Variants in CCDC85A observed in about 807,000 individuals in gnomAD.
CCDC85A encodes the protein coiled-coil domain-containing protein 85A.
Under a neutral mutation model 50.2 loss-of-function variants are expected in CCDC85A, and 38 were observed. That is an observed-to-expected ratio of 0.76 (90% confidence interval 0.58 to 0.99). The LOEUF (loss-of-function observed/expected upper bound fraction) is 0.99. CCDC85A is among the 50% of genes least tolerant of loss of function. The pLI is 0.00. For missense variants in CCDC85A, 820 were observed against 742.0 expected (o/e 1.11, Z -1.22); for synonymous variants, 366 against 301.4 (o/e 1.21, Z -2.22).
chr2:56,187,850 T>C (rs1383598832), intron 1 of CCDC85A, among the ~76,000 whole-genome samples: 1 of 152,202 alleles, frequency 6.6e-6, no homozygotes, highest in Non-Finnish European at 1.5e-5. Flanking sequence ...ATACCAACAC[T>C]TCAGGCTGCT....
At chr2:56,336,769 C>T (rs1484522664) in intron 2 of CCDC85A, among the ~76,000 whole-genome samples, 1 of 152,120 alleles carries the variant, frequency 6.6e-6, no homozygotes, top group Non-Finnish European at 1.5e-5. Flanking sequence ...AACAGAGCTC[C>T]TTTATACAAT....
chr2:56,301,028 T>C (rs528704155), intron 2 of CCDC85A, among the ~76,000 whole-genome samples: 90 of 152,292 alleles, frequency 5.9e-4, no homozygotes, highest in African/African-American at 1.6e-3. Flanking sequence ...AAGAGTGATA[T>C]TACACTTCCT....
At chr2:56,244,659 C>A (rs552385786) in intron 2 of CCDC85A, among the ~76,000 whole-genome samples, 2 of 151,474 alleles carry the variant, frequency 1.3e-5, no homozygotes, top group East Asian at 4.0e-4. Context: ...TCTGAATATG[C>A]TGTGAATATG....
rs559178763 is a variant in CCDC85A at position 56,383,349 on chromosome 2, C to T, written c.1573-917C>T. On this transcript the variant is annotated intron_variant, in intron 5 of 5. Coordinates refer to ENST00000407595, the MANE Select transcript of CCDC85A (RefSeq NM_001080433.2). ...CACAATCAATCAATCTGATCATAAT[C>T]CTTAGCGTGAAATAGTCTGGGAGGG... 5.9e-5 allele frequency among the ~76,000 whole-genome samples: 9 copies of T among 152,076 alleles called. No individual in the cohort carries two copies. The South Asian group carries it at 1.9e-3, about 31-fold the overall frequency.
At chr2:56,244,904 G>A (rs978341998) in intron 2 of CCDC85A, among the ~76,000 whole-genome samples, 2 of 151,942 alleles carry the variant, frequency 1.3e-5, no homozygotes, top group Non-Finnish European at 2.9e-5. Flanking sequence ...AACTCTGCCG[G>A]ATTCCCTGTT....
chr2:56,262,575 C>T (rs537184084), intron 2 of CCDC85A, among the ~76,000 whole-genome samples: 1 of 152,226 alleles, frequency 6.6e-6, no homozygotes, highest in African/African-American at 2.4e-5. Flanking sequence ...ATGCTCATGA[C>T]CAGTGGTAGC....
intron 2 of CCDC85A, among the ~76,000 whole-genome samples, chr2:56,209,506 C>G (rs1249660631): frequency 6.7e-6 from 1 of 150,024 alleles, no homozygotes; most frequent in Non-Finnish European, 1.5e-5. Flanking sequence ...CAGAGAATGG[C>G]CTTTTTTGTT....
intron 2 of CCDC85A, among the ~76,000 whole-genome samples, chr2:56,277,760 C>T (rs949842450): frequency 3.3e-5 from 5 of 152,206 alleles, no homozygotes; most frequent in African/African-American, 1.2e-4. Context: ...CGCAGAGTCT[C>T]CTAAGGAGCT....
At chr2:56,353,464 C>G (rs1675059326) in intron 3 of CCDC85A, among the ~76,000 whole-genome samples, 2 of 152,214 alleles carry the variant, frequency 1.3e-5, no homozygotes, top group Admixed American at 6.5e-5. Context: ...AAGTGTGGTT[C>G]CTTTCAGCTC....
chr2:56,244,389 T>C (rs1038641208), intron 2 of CCDC85A, among the ~76,000 whole-genome samples: 1 of 152,010 alleles, frequency 6.6e-6, no homozygotes, highest in African/African-American at 2.4e-5. Context: ...CCACTGACAA[T>C]TCACTTAAGG....
intron 2 of CCDC85A, among the ~76,000 whole-genome samples, chr2:56,285,857 A>G (rs940825900): frequency 6.6e-6 from 1 of 151,950 alleles, no homozygotes; most frequent in Non-Finnish European, 1.5e-5. Context: ...GGCTGGTATC[A>G]TTTGCCTTTA....
chr2:56,294,417 C>G (rs1031840674), intron 2 of CCDC85A, among the ~76,000 whole-genome samples: 1 of 152,168 alleles, frequency 6.6e-6, no homozygotes, highest in African/African-American at 2.4e-5. Context: ...ACCTGCGCGT[C>G]CTGCACATGT....
At chr2:56,255,412 T>C (rs1463175119) in intron 2 of CCDC85A, among the ~76,000 whole-genome samples, 1 of 152,056 alleles carries the variant, frequency 6.6e-6, no homozygotes, top group African/African-American at 2.4e-5. Flanking sequence ...TAAGGAACCA[T>C]TCACAAGGTT....
At chr2:56,317,803 G>A (rs1015339707) in intron 2 of CCDC85A, among the ~76,000 whole-genome samples, 13 of 152,010 alleles carry the variant, frequency 8.6e-5, no homozygotes, top group African/African-American at 1.2e-4. Context: ...GTAATCTCCA[G>A]TTCCCATTTT....
chr2:56,193,318 A>G lies in CCDC85A; in HGVS notation c.1118A>G (p.Lys373Arg), dbSNP rs775228056. 6 of 1,613,448 alleles carry G rather than the reference A, an allele frequency of 3.7e-6. No homozygotes were observed. The East Asian group carries it at 6.7e-5, about 18-fold the overall frequency. ...CATTATGGAGGGAGCCCTGATCACA[A>G]ACACGGAGGAGGCAGTGGAGGAAGT... ...KQHYGGSPDHKHGGGSGGSGG... is the reference protein window; with the variant it reads ...KQHYGGSPDHRHGGGSGGSGG... Residue 373 changes from lysine (K) to arginine (R), a missense_variant, in exon 2 of 6, where the codon AAA becomes AGA. Transcript: ENST00000407595.
At chr2:56,322,229 A>G (rs571012311) in intron 2 of CCDC85A, among the ~76,000 whole-genome samples, 8 of 152,348 alleles carry the variant, frequency 5.3e-5, no homozygotes, top group Middle Eastern at 3.4e-3. Flanking sequence ...GGCCATAGGC[A>G]TGGGCAAGGG....
chr2:56,207,288 A>G (rs980524373), intron 2 of CCDC85A, among the ~76,000 whole-genome samples: 7 of 152,138 alleles, frequency 4.6e-5, no homozygotes, highest in Non-Finnish European at 7.4e-5. Context: ...AGGAGTGCAT[A>G]GGGAAGAGTA....
chr2:56,224,378 G>C (rs2103916707), intron 2 of CCDC85A, among the ~76,000 whole-genome samples: 1 of 152,216 alleles, frequency 6.6e-6, no homozygotes, highest in African/African-American at 2.4e-5. Context: ...TGAACATTCA[G>C]GTTGCTTTCA....
rs143277975 is a variant in CCDC85A at position 56,248,065 on chromosome 2, T to C, written c.1240+54625T>C. ...TATCTTTCTCTCTCACTGGATCATT[T>C]CAGAAAGTGACAGGGGATATAAGTG... On this transcript the variant is annotated intron_variant, in intron 2 of 5. Transcript: ENST00000407595. Among the ~76,000 whole-genome samples the C allele has an allele frequency of 1.5e-3, 228 of 152,324 alleles. 1 individual carries two copies. The highest frequency in any genetic ancestry group is 5.2e-3 in the African/African-American group (215 of 41,574).
Sources: gnomAD v4.1 joint callset for allele counts (sites outside exome capture counted in the v4.1 genomes callset) on GRCh38, gnomAD v4.1.1 for gene constraint, MANE v1.5 for transcripts, NCBI Gene and HGNC (gene_info 2026-07-23, HGNC 2026-07-21) for gene names.